Variants in RNF130 observed in about 807,000 individuals in gnomAD.
The protein encoded by RNF130 is E3 ubiquitin-protein ligase RNF130.
In RNF130, 21 loss-of-function variants were observed where a neutral mutation model predicts 44.6. The observed-to-expected ratio is 0.47, with a 90% CI of 0.33 to 0.68. The LOEUF is 0.68. RNF130 is among the 30% of genes least tolerant of loss of function. The pLI, the probability that RNF130 is intolerant of heterozygous loss-of-function variation, is 0.02. For synonymous variants in RNF130, 214 were observed against 210.4 expected, an observed-to-expected ratio of 1.02 and a Z score of -0.15; for missense variants, 479 against 560.6, an observed-to-expected ratio of 0.85 and a Z score of 1.47.
exon 8 of RNF130, chr5:179,919,500 A>C (rs1761597119): frequency 6.6e-6 from 1 of 152,472 alleles, no homozygotes; most frequent in Non-Finnish European, 1.5e-5. Context: ...CTGTGCCCAG[A>C]GACACTGCTG....
intron 1 of RNF130, among the ~76,000 whole-genome samples, chr5:180,041,201 T>C (rs1764411246): frequency 6.6e-6 from 1 of 152,162 alleles, no homozygotes; most frequent in Non-Finnish European, 1.5e-5. Context: ...CTAAGGAAAA[T>C]TTAAAAGTTT....
chr5:180,030,823 A>G (rs756471142), intron 2 of RNF130, among the ~76,000 whole-genome samples: 1 of 152,180 alleles, frequency 6.6e-6, no homozygotes, highest in Non-Finnish European at 1.5e-5. Context: ...TCTTTCGTTT[A>G]GCATAATGCT....
intron 2 of RNF130, 112 bp downstream of exon 2, chr5:180,040,341 C>G (rs1582211971): frequency 1.0e-6 from 1 of 1,003,684 alleles, no homozygotes; most frequent in African/African-American, 1.6e-5. Context: ...AATGGCAATA[C>G]TAATAGGATT....
At chr5:180,067,357 T>C (rs896921915) in intron 1 of RNF130, among the ~76,000 whole-genome samples, 4 of 152,178 alleles carry the variant, frequency 2.6e-5, no homozygotes, top group Non-Finnish European at 4.4e-5. Context: ...ATATGTTACA[T>C]ATGCCACGTC....
exon 8 of RNF130, chr5:179,916,769 C>T (rs1761552209): frequency 6.6e-6 from 1 of 152,308 alleles, no homozygotes; most frequent in South Asian, 2.1e-4. Flanking sequence ...CCTGGGCAGA[C>T]ATGCTTACCA....
At chr5:179,974,073 C>T (rs1762653057) in intron 5 of RNF130, among the ~76,000 whole-genome samples, 1 of 152,136 alleles carries the variant, frequency 6.6e-6, no homozygotes, top group Non-Finnish European at 1.5e-5. Context: ...GCTCTCACAG[C>T]TCTGCAGCCT....
chr5:179,955,730 C>G, intron 8 of RNF130, 61 bp from the exon 9 acceptor site: 1 of 1,391,672 alleles, frequency 7.2e-7, no homozygotes. Flanking sequence ...TTTAAAATAA[C>G]AGAGAAGTGA....
chr5:179,976,000 C>CAG (rs1160931), intron 5 of RNF130, among the ~76,000 whole-genome samples: 99,078 of 151,574 alleles, frequency 0.65, 33,783 homozygotes, highest in African/African-American at 0.87. Flanking sequence ...GACTCTGATG[C>CAG]AGTCAGGTCT....
intron 7 of RNF130, chr5:179,963,898 T>C (rs995913822): frequency 1.4e-5 from 4 of 278,110 alleles, no homozygotes; most frequent in African/African-American, 4.4e-5. Flanking sequence ...TCATTGTTAA[T>C]GTAAATGACA....
At chr5:180,039,720 C>A (rs1764361545) in intron 2 of RNF130, among the ~76,000 whole-genome samples, 1 of 152,178 alleles carries the variant, frequency 6.6e-6, no homozygotes, top group Admixed American at 6.5e-5. Flanking sequence ...CTCTAAAATT[C>A]TCATGAATGC....
intron 7 of RNF130, among the ~76,000 whole-genome samples, chr5:179,965,853 A>AAC (rs1325680834): frequency 3.3e-5 from 5 of 152,212 alleles, no homozygotes; most frequent in African/African-American, 1.2e-4. Context: ...ACTTTGATTG[A>AAC]ACAGACCACA....
intron 4 of RNF130, among the ~76,000 whole-genome samples, chr5:179,979,086 G>A (rs1277083609): frequency 3.9e-5 from 6 of 151,902 alleles, no homozygotes; most frequent in Admixed American, 3.3e-4. Flanking sequence ...GTGCTGGCCC[G>A]GGATACAAAG....
At chr5:180,030,818 C>A (rs566566935) in intron 2 of RNF130, among the ~76,000 whole-genome samples, 32 of 152,274 alleles carry the variant, frequency 2.1e-4, no homozygotes, top group African/African-American at 7.2e-4. Context: ...TGGCTTCTTT[C>A]GTTTAGCATA....
intron 7 of RNF130, chr5:179,940,080 A>G (rs749636528): frequency 9.8e-5 from 20 of 204,322 alleles, no homozygotes; most frequent in Non-Finnish European, 1.5e-4. Context: ...ATTCTCCAAC[A>G]TGCTGTTTTA....
intron 3 of RNF130, among the ~76,000 whole-genome samples, chr5:180,000,441 C>T (rs904381134): frequency 7.9e-5 from 12 of 152,154 alleles, no homozygotes; most frequent in Admixed American, 2.6e-4. Flanking sequence ...CATATATCTC[C>T]GTAGACTTGG....
At chr5:179,964,476 G>A (rs1484463340) in intron 7 of RNF130, 1 of 152,108 alleles carries the variant, frequency 6.6e-6, no homozygotes, top group Non-Finnish European at 1.5e-5. Flanking sequence ...CACTGACTAG[G>A]GCTGTTTTAA....
intron 1 of RNF130, among the ~76,000 whole-genome samples, chr5:180,058,649 G>A (rs1331329454): frequency 4.0e-5 from 6 of 151,312 alleles, no homozygotes; most frequent in African/African-American, 1.2e-4. Context: ...TCTGCCTCCC[G>A]GGTTCAAGCG....
chr5:180,054,109 C>T (rs1435813567), intron 1 of RNF130, among the ~76,000 whole-genome samples: 5 of 152,040 alleles, frequency 3.3e-5, no homozygotes, highest in Non-Finnish European at 7.4e-5. Context: ...CCCCTGCGCC[C>T]GGCCAGCAAA....
At position 179,964,673 on chromosome 5, in the gene RNF130, C is replaced by T. The variant is rs191410491; in HGVS notation, c.1151-1109G>A. Among the ~76,000 whole-genome samples the T allele has an allele frequency of 2.8e-3, 423 of 152,288 alleles. 4 individuals are homozygous for T. Among genetic ancestry groups the T allele is most frequent in the Non-Finnish European group, 2.0e-3 (137 of 68,020 alleles). On this transcript the variant is annotated intron_variant, in intron 7 of 8. Coordinates refer to ENST00000521389, the MANE Select transcript of RNF130 (RefSeq NM_018434.6). The stretch of plus-strand genomic sequence containing the variant: ...ATAGGCATTTTTCTAGAAAAACATA[C>T]TTTTGTTAGATTTTAAAGGTGGTGA...
Sources: gnomAD v4.1 joint callset for allele counts (sites outside exome capture counted in the v4.1 genomes callset) on GRCh38, gnomAD v4.1.1 for gene constraint, MANE v1.5 for transcripts, NCBI Gene and HGNC (gene_info 2026-07-23, HGNC 2026-07-21) for gene names.